The following SBF2 variants were observed in gnomAD, a reference collection of about 807,000 sequenced individuals.
The protein encoded by SBF2 is myotubularin-related protein 13.
SBF2 carries 112 observed loss-of-function variants against 225.2 expected under a neutral mutation model. The observed-to-expected ratio is 0.50, with a 90% CI of 0.43 to 0.58. The LOEUF is 0.58. SBF2 is among the 20% of genes least tolerant of loss of function. The probability of loss-of-function intolerance (pLI) is 0.00; values close to 1 mark genes in which losing one functional copy is unlikely to be tolerated. For missense variants in SBF2, 1,996 were observed against 2,206.2 expected (o/e 0.90, Z 1.91); for synonymous variants, 763 against 773.3 (o/e 0.99, Z 0.22).
chr11:10,133,042 C>T lies in SBF2; in HGVS notation c.141+60860G>A, dbSNP rs1487121670. Among the ~76,000 whole-genome samples the T allele has an allele frequency of 8.1e-5, 12 of 147,702 alleles. 3 individuals carry two copies. The highest frequency in any genetic ancestry group is 2.1e-4 in the South Asian group (1 of 4,656). On this transcript the variant is annotated intron_variant, in intron 2 of 39. Coordinates refer to ENST00000256190, the MANE Select transcript of SBF2 (RefSeq NM_030962.4). ...AAACCTTGAGCTAGATACAGAGTGCCGATTGGTGTATTTACAATCCTTGAG... is the reference window on the plus strand; with the variant it reads ...AAACCTTGAGCTAGATACAGAGTGCTGATTGGTGTATTTACAATCCTTGAG...
chr11:9,944,199 CTG>C (rs1865438741), intron 16 of SBF2, among the ~76,000 whole-genome samples: 1 of 152,106 alleles, frequency 6.6e-6, no homozygotes, highest in Admixed American at 6.5e-5. Flanking sequence ...TTGGGTAAAA[CTG>C]TAGGAAAAAG....
Position 10,177,328 on chromosome 11 carries a change from G to A in SBF2, c.141+16574C>T, listed in dbSNP as rs890128943. 1.1e-3 allele frequency among the ~76,000 whole-genome samples: 165 copies of A among 146,226 alleles called. 6 individuals are homozygous for A. The highest frequency in any genetic ancestry group is 5.9e-3 in the South Asian group (26 of 4,400). On this transcript the variant is annotated intron_variant, in intron 2 of 39. Transcript: ENST00000256190. The stretch of plus-strand genomic sequence containing the variant: ...ACCACTCCTATTCAACATAGTGTTG[G>A]AAGTTCTGGCCAGGGCAATTAGGCA...
intron 2 of SBF2, among the ~76,000 whole-genome samples, chr11:10,185,416 T>C (rs1487545718): frequency 6.6e-6 from 1 of 152,200 alleles, no homozygotes; most frequent in Admixed American, 6.5e-5. Flanking sequence ...TTCTCCCTAA[T>C]CTTGCTAACA....
chr11:9,819,069 C>T (rs1465730163), intron 28 of SBF2, among the ~76,000 whole-genome samples: 1 of 152,062 alleles, frequency 6.6e-6, no homozygotes, highest in African/African-American at 2.4e-5. Context: ...GACATTATGG[C>T]AATTATTAAT....
intron 16 of SBF2, among the ~76,000 whole-genome samples, chr11:9,955,203 CA>C (rs1431655588): frequency 2.6e-5 from 4 of 151,968 alleles, no homozygotes; most frequent in African/African-American, 9.7e-5. Context: ...AAATGGAAAT[CA>C]AAACTCTTCT....
chr11:10,005,851 A>G (rs1948165963), intron 6 of SBF2, among the ~76,000 whole-genome samples: 1 of 152,100 alleles, frequency 6.6e-6, no homozygotes, highest in Non-Finnish European at 1.5e-5. Context: ...ACCAACCCCC[A>G]GAACAATTCT....
chr11:10,165,224 A>C (rs993816141), intron 2 of SBF2: 2 of 152,218 alleles, frequency 1.3e-5, no homozygotes, highest in African/African-American at 4.8e-5. Context: ...GCCTCCACAG[A>C]CAAGGGACAG....
intron 3 of SBF2, among the ~76,000 whole-genome samples, chr11:10,041,247 A>G (rs928879526): frequency 3.7e-4 from 57 of 152,256 alleles, no homozygotes; most frequent in African/African-American, 1.4e-3. Context: ...TCTCTAACTT[A>G]TTCAGATTGA....
At chr11:9,974,985 A>AAAAAAAAAAAG (rs1565082847) in intron 13 of SBF2, among the ~76,000 whole-genome samples, 2 of 78,272 alleles carry the variant, frequency 2.6e-5, no homozygotes, top group African/African-American at 3.8e-5. Context: ...AAAAAAAAAA[A>AAAAAAAAAAAG]AAAGAAAAAA....
upstream of SBF2, among the ~76,000 whole-genome samples, chr11:10,298,901 G>T (rs1964572054): frequency 6.6e-6 from 1 of 152,100 alleles, no homozygotes; most frequent in Admixed American, 6.5e-5. Flanking sequence ...TTCACCGATG[G>T]TTTCAAACTT....
chr11:9,981,525 AT>A (rs937487591), intron 13 of SBF2, among the ~76,000 whole-genome samples: 3 of 152,196 alleles, frequency 2.0e-5, no homozygotes, highest in African/African-American at 4.8e-5. Flanking sequence ...AATTTCTTTT[AT>A]TTTTTCAAGA....
At chr11:10,162,303 A>T (rs1955787857) in intron 2 of SBF2, among the ~76,000 whole-genome samples, 1 of 152,150 alleles carries the variant, frequency 6.6e-6, no homozygotes. Flanking sequence ...GAGGCTGAGG[A>T]TAACTAGTGG....
chr11:10,069,337 GGTGTGATGTTCCCCACCCTATTCCAA>G (rs1223309831), intron 2 of SBF2, among the ~76,000 whole-genome samples: 90 of 114,544 alleles, frequency 7.9e-4, no homozygotes, highest in Non-Finnish European at 1.2e-3. Flanking sequence ...CAGGCCCCAG[GGTGTGATGTTCCCCACCCTATTCCAA>G]GTGTTCTCAT....
At chr11:9,892,964 T>C (rs1226091775) in intron 17 of SBF2, among the ~76,000 whole-genome samples, 1 of 152,246 alleles carries the variant, frequency 6.6e-6, no homozygotes, top group African/African-American at 2.4e-5. Context: ...TATAAGTTCC[T>C]AGGGACCATG....
intron 2 of SBF2, among the ~76,000 whole-genome samples, chr11:10,089,641 GGAAAT>G (rs545634950): frequency 8.1e-4 from 123 of 151,854 alleles, no homozygotes; most frequent in African/African-American, 2.9e-3. Context: ...AAAAAAACTT[GGAAAT>G]GAAATAAATA....
chr11:10,157,867 C>G (rs1430974795), intron 2 of SBF2, among the ~76,000 whole-genome samples: 1 of 152,136 alleles, frequency 6.6e-6, no homozygotes, highest in Non-Finnish European at 1.5e-5. Flanking sequence ...ACAGAACATT[C>G]CACCCAACAA....
At chr11:10,166,988 C>CAA (rs1196755101) in intron 2 of SBF2, among the ~76,000 whole-genome samples, 10 of 151,534 alleles carry the variant, frequency 6.6e-5, no homozygotes, top group Non-Finnish European at 1.3e-4. Context: ...CACACACACA[C>CAA]AAAAAGGCTA....
chr11:10,027,676 C>A (rs907241402), intron 6 of SBF2, among the ~76,000 whole-genome samples: 1 of 152,110 alleles, frequency 6.6e-6, no homozygotes, highest in Non-Finnish European at 1.5e-5. Context: ...TTGGGCAGCC[C>A]TGGTTTGAAA....
rs1022550947 is a variant in SBF2 at position 10,250,209 on chromosome 11, C to T, written c.55+43806G>A. On this transcript the variant is annotated intron_variant, in intron 1 of 39. Transcript: ENST00000256190. ...TACTTTGCCAGATTTTCATGTTAAA[C>T]TAGCTGATACTAAAATTGTTTAGAT... is the stretch of plus-strand genomic sequence containing the variant. 3.9e-5 allele frequency among the ~76,000 whole-genome samples: 6 copies of T among 152,116 alleles called. No homozygotes were observed. In the East Asian group the frequency reaches 1.2e-3, roughly 29 times the overall value.
Sources: allele counts gnomAD v4.1 joint callset (sites outside exome capture counted in the v4.1 genomes callset), GRCh38; gene constraint gnomAD v4.1.1; transcripts MANE v1.5; gene names NCBI Gene and HGNC (gene_info 2026-07-23, HGNC 2026-07-21).